The following ADGRV1 variants were observed in gnomAD, a reference collection of about 807,000 sequenced individuals.
The protein encoded by ADGRV1 is G-protein coupled receptor 98.
In ADGRV1, 359 loss-of-function variants were observed where a neutral mutation model predicts 596.2. The ratio of observed to expected loss-of-function variants is 0.60; its 90% CI spans 0.55 to 0.66. ADGRV1 has a LOEUF of 0.66. Ranked by LOEUF, ADGRV1 falls within the 30% of genes least tolerant of loss-of-function variation. The pLI, the probability that ADGRV1 is intolerant of heterozygous loss-of-function variation, is 0.00. For missense variants in ADGRV1, 7,274 were observed against 7,575.6 expected, an observed-to-expected ratio of 0.96 and a Z score of 1.48; for synonymous variants, 2,681 against 2,679.2, an observed-to-expected ratio of 1.00 and a Z score of -0.02.
intron 83 of ADGRV1, among the ~76,000 whole-genome samples, chr5:90,941,132 G>A (rs921122215): frequency 3.0e-4 from 29 of 96,284 alleles, no homozygotes; most frequent in Non-Finnish European, 2.6e-4. Context: ...GCAAGGAAAA[G>A]TACTTAAAAA....
At chr5:91,002,507 A>G (rs796688979) in intron 85 of ADGRV1, among the ~76,000 whole-genome samples, 32 of 152,130 alleles carry the variant, frequency 2.1e-4, no homozygotes, top group African/African-American at 7.5e-4. Context: ...TAAATCCCTC[A>G]GACAACCTTT....
At chr5:91,158,190 C>T (rs1174349826) in intron 89 of ADGRV1, among the ~76,000 whole-genome samples, 2 of 152,198 alleles carry the variant, frequency 1.3e-5, no homozygotes, top group Non-Finnish European at 2.9e-5. Flanking sequence ...TGCCCATGTC[C>T]TAGGCTTTCT....
chr5:91,148,222 C>T (rs1414167521), intron 87 of ADGRV1, among the ~76,000 whole-genome samples: 6 of 152,164 alleles, frequency 3.9e-5, no homozygotes, highest in Admixed American at 6.5e-5. Context: ...CAGAAATTTG[C>T]ATAAGTAATG....
chr5:90,605,957 G>T lies in ADGRV1; in HGVS notation c.23-8878G>T, dbSNP rs184832477. Among the ~76,000 whole-genome samples, 394 of 152,204 alleles carry T rather than the reference G, an allele frequency of 2.6e-3. 2 individuals are homozygous for T. Among genetic ancestry groups the T allele is most frequent in the African/African-American group, 8.4e-3 (350 of 41,538 alleles). On this transcript the variant is annotated intron_variant, in intron 1 of 89. Transcript: ENST00000405460. ...AAAAAAAAAGAAAAAGAAAGTACTT[G>T]CACTTTTATAGGACAAATTTTTCCC...
intron 50 of ADGRV1, among the ~76,000 whole-genome samples, chr5:90,734,287 C>T (rs1027926379): frequency 3.9e-5 from 6 of 152,116 alleles, no homozygotes; most frequent in African/African-American, 1.2e-4. Context: ...TATTCTTAGA[C>T]AGAAGTGGGT....
intron 83 of ADGRV1, among the ~76,000 whole-genome samples, chr5:90,944,109 A>G (rs901158538): frequency 8.5e-5 from 13 of 152,192 alleles, no homozygotes; most frequent in Admixed American, 3.3e-4. Flanking sequence ...ATTCATTTCT[A>G]TATACTCAAT....
intron 85 of ADGRV1, among the ~76,000 whole-genome samples, chr5:91,024,391 A>T (rs1055807814): frequency 1.3e-5 from 2 of 152,166 alleles, no homozygotes; most frequent in Non-Finnish European, 2.9e-5. Flanking sequence ...GTATTGCTCT[A>T]TTAACTACTG....
chr5:90,812,751 G>A (rs577818959), intron 74 of ADGRV1, among the ~76,000 whole-genome samples: 1 of 152,214 alleles, frequency 6.6e-6, no homozygotes, highest in South Asian at 2.1e-4. Context: ...AGTTTATGAA[G>A]TGTGTTGTAA....
chr5:91,111,135 T>C (rs952894500), intron 87 of ADGRV1, among the ~76,000 whole-genome samples: 5 of 152,188 alleles, frequency 3.3e-5, no homozygotes, highest in Non-Finnish European at 2.9e-5. Flanking sequence ...TCCACCTGTT[T>C]TTTAAAAATT....
intron 77 of ADGRV1, among the ~76,000 whole-genome samples, chr5:90,836,449 C>T (rs914915360): frequency 4.6e-5 from 7 of 151,290 alleles, no homozygotes; most frequent in Non-Finnish European, 1.0e-4. Context: ...TATAATCATA[C>T]TAAGTAAAAA....
intron 83 of ADGRV1, among the ~76,000 whole-genome samples, chr5:90,883,985 G>T (rs1770041162): frequency 6.6e-6 from 1 of 151,986 alleles, no homozygotes; most frequent in South Asian, 2.1e-4. Context: ...TTCCCTCCTT[G>T]TCTCTCTCTA....
chr5:90,683,504 C>A, intron 27 of ADGRV1, 82 bp from the exon 28 acceptor site: 1 of 1,093,252 alleles, frequency 9.1e-7, no homozygotes, highest in Non-Finnish European at 1.3e-6. Flanking sequence ...AATTGTGCTG[C>A]TATCATTAAT....
intron 83 of ADGRV1, among the ~76,000 whole-genome samples, chr5:90,886,158 T>G (rs1295198845): frequency 6.6e-6 from 1 of 152,162 alleles, no homozygotes; most frequent in African/African-American, 2.4e-5. Context: ...GGCACTATTT[T>G]ATAGGAAATT....
chr5:91,093,780 A>G (rs1790582881), intron 86 of ADGRV1, among the ~76,000 whole-genome samples: 1 of 152,140 alleles, frequency 6.6e-6, no homozygotes. Context: ...TGGCCTGATC[A>G]TATATGAAAA....
intron 57 of ADGRV1, among the ~76,000 whole-genome samples, chr5:90,757,626 A>G (rs765153681): frequency 1.1e-4 from 16 of 152,220 alleles, no homozygotes; most frequent in African/African-American, 9.6e-5. Context: ...ATTGACTAAA[A>G]TAAGAGAAAA....
At position 91,138,029 on chromosome 5, in the gene ADGRV1, G is replaced by A. The variant is rs559382474; in HGVS notation, c.18433-12001G>A. 2.4e-3 allele frequency among the ~76,000 whole-genome samples: 360 copies of A among 152,216 alleles called. 2 individuals are homozygous for A. The highest frequency in any genetic ancestry group is 7.8e-3 in the African/African-American group (323 of 41,510). ...CTAGTTTGCCATATAATTCACTGTC[G>A]TTGCCGGTTGAGTGAAATGGGGTGA... is the stretch of plus-strand genomic sequence containing the variant. On this transcript the variant is annotated intron_variant, in intron 87 of 89. Coordinates refer to ENST00000405460, the MANE Select transcript of ADGRV1 (RefSeq NM_032119.4).
rs1270794913 is a variant in ADGRV1, at chr5:90,848,770, A to G, written c.17153A>G (p.Asn5718Ser). 1.3e-6 allele frequency: 2 copies of G among 1,588,204 alleles called. No homozygotes were observed. The highest frequency in any genetic ancestry group is 1.7e-6 in the Non-Finnish European group (2 of 1,170,242). ...GFSHFAEVTE[N>S]FAFSLLTNVT... ...AGTCACTTTGCTGAAGTGACTGAGA[A>G]TTTTGCCTTTTCTCTGCTGACTAAT... The change falls in exon 79 of 90, where the codon AAT (asparagine) becomes AGT (serine). Residue 5718 changes from asparagine (N) to serine (S), a missense_variant. By Grantham distance (46) the Asn-to-Ser change is conservative. Coordinates refer to ENST00000405460, the MANE Select transcript of ADGRV1 (RefSeq NM_032119.4).
chr5:90,627,844 T>G, intron 7 of ADGRV1, 68 bp downstream of exon 7: 1 of 1,037,070 alleles, frequency 9.6e-7, no homozygotes, highest in South Asian at 2.0e-5. Flanking sequence ...AGTTTTGTGG[T>G]GTTGGACACA....
At chr5:90,919,712 G>A (rs1773702166) in intron 83 of ADGRV1, among the ~76,000 whole-genome samples, 1 of 151,966 alleles carries the variant, frequency 6.6e-6, no homozygotes, top group Admixed American at 6.6e-5. Context: ...AAAATATTTT[G>A]GGCTGGGCGT....
Sources: gnomAD v4.1 joint callset for allele counts (sites outside exome capture counted in the v4.1 genomes callset) on GRCh38, gnomAD v4.1.1 for gene constraint, MANE v1.5 for transcripts, NCBI Gene and HGNC (gene_info 2026-07-23, HGNC 2026-07-21) for gene names.